SLC22A15: variants seen among roughly 807,000 people sequenced by gnomAD.
SLC22A15 encodes the protein flipt 1.
SLC22A15 carries 45 observed loss-of-function variants against 62.7 expected under a neutral mutation model. The observed-to-expected ratio is 0.72, with a 90% CI of 0.56 to 0.92. SLC22A15 has a LOEUF of 0.92. Among genes scored for constraint, SLC22A15 ranks in the 40% least tolerant of loss-of-function variants. The pLI is 0.00. For missense variants in SLC22A15, 622 were observed against 665.6 expected (o/e 0.93, Z 0.72); for synonymous variants, 264 against 267.0 (o/e 0.99, Z 0.11).
chr1:116,055,923 T>C (rs1204477366), intron 8 of SLC22A15, among the ~76,000 whole-genome samples: 1 of 148,268 alleles, frequency 6.7e-6, no homozygotes, highest in Non-Finnish European at 1.5e-5. Flanking sequence ...ATAAGAGCTA[T>C]CTATGACAAA....
intron 8 of SLC22A15, among the ~76,000 whole-genome samples, chr1:116,055,229 A>G (rs1162392353): frequency 6.6e-6 from 1 of 152,140 alleles, no homozygotes; most frequent in Admixed American, 6.6e-5. Flanking sequence ...GGATATCACC[A>G]CCTATCCCAC....
At chr1:116,034,720 T>C (rs1657568551) in intron 6 of SLC22A15, among the ~76,000 whole-genome samples, 1 of 152,192 alleles carries the variant, frequency 6.6e-6, no homozygotes. Context: ...CCACTGAAGA[T>C]CCAGTCACTT....
intron 1 of SLC22A15, among the ~76,000 whole-genome samples, chr1:115,986,357 T>C (rs1654864352): frequency 1.3e-5 from 2 of 152,194 alleles, no homozygotes; most frequent in African/African-American, 4.8e-5. Flanking sequence ...AGGGTTTCTT[T>C]CCTTCAGGAG....
At chr1:116,006,984 C>T (rs367662809) in intron 2 of SLC22A15, among the ~76,000 whole-genome samples, 1 of 152,092 alleles carries the variant, frequency 6.6e-6, no homozygotes, top group African/African-American at 2.4e-5. Flanking sequence ...TGTGTAGCCA[C>T]TGAGATGCGT....
At chr1:116,032,212 G>A in intron 6 of SLC22A15, 1 of 985,388 alleles carries the variant, frequency 1.0e-6, no homozygotes, top group Non-Finnish European at 1.2e-6. Context: ...CTTTCAAAAT[G>A]CTCTCAGCGT....
intron 2 of SLC22A15, among the ~76,000 whole-genome samples, chr1:116,008,760 G>T (rs1469807802): frequency 1.3e-5 from 2 of 152,322 alleles, no homozygotes; most frequent in Non-Finnish European, 1.5e-5. Flanking sequence ...TGGGCTCAGA[G>T]TAGCTGGGTG....
chr1:116,020,747 A>G lies in SLC22A15; in HGVS notation c.460A>G (p.Ile154Val). Residue 154 changes from isoleucine to valine, a missense_variant, in exon 4 of 12, where the codon ATT (isoleucine) becomes GTT (valine). By Grantham distance (29) the Ile-to-Val change is conservative. Transcript: ENST00000369503. ...TTTTGCTCTTGACATCTTATTTGCA[A>G]TTGCAAATGGATTTTCCCCCTCATA... ...TGFALDILFA[I>V]ANGFSPSYEF... 3 of 1,612,244 alleles carry G rather than the reference A, an allele frequency of 1.9e-6. No individual in the cohort carries two copies. Among genetic ancestry groups the G allele is most frequent in the Non-Finnish European group, 2.5e-6 (3 of 1,178,974 alleles).
At chr1:115,996,102 T>A (rs1049835936) in intron 2 of SLC22A15, among the ~76,000 whole-genome samples, 1 of 152,190 alleles carries the variant, frequency 6.6e-6, no homozygotes, top group Non-Finnish European at 1.5e-5. Flanking sequence ...CTTCTTATAC[T>A]ATGAGTCTTT....
chr1:115,986,624 G>C (rs1206198706), intron 1 of SLC22A15, among the ~76,000 whole-genome samples: 1 of 152,184 alleles, frequency 6.6e-6, no homozygotes, highest in Non-Finnish European at 1.5e-5. Context: ...GTGTGGAAGA[G>C]GGAATAACTT....
chr1:116,029,519 T>C (rs1321423196), intron 5 of SLC22A15, among the ~76,000 whole-genome samples: 1 of 152,210 alleles, frequency 6.6e-6, no homozygotes, highest in Non-Finnish European at 1.5e-5. Context: ...GTTGGAACTC[T>C]GTTTCCAAAT....
intron 2 of SLC22A15, among the ~76,000 whole-genome samples, chr1:115,998,689 G>C (rs1001422285): frequency 6.6e-6 from 1 of 151,132 alleles, no homozygotes; most frequent in Admixed American, 6.6e-5. Context: ...TTTTTTCTTA[G>C]TTTAGCTAAA....
In SLC22A15 at chr1:116,020,936, TTTATAGGGAC is replaced by T. The variant is rs1656801911; in HGVS notation, c.598+52_598+61del. ...GACTGGGTGAGCAGCTCCAGAAAATTTTATAGGGACCCAGTTTAATCCTAGAGTCTGGAAA... is the reference window on the plus strand; with the variant it reads ...GACTGGGTGAGCAGCTCCAGAAAATTCCAGTTTAATCCTAGAGTCTGGAAA... On this transcript the variant is annotated intron_variant, in intron 4 of 11. Transcript: ENST00000369503. 2.7e-6 allele frequency: 4 copies of T among 1,502,286 alleles called. No individual in the cohort carries two copies. The South Asian group carries it at 5.2e-5, about 20-fold the overall frequency. 93.1% of individuals were successfully genotyped at this position (1,502,286 alleles called of 1,614,324 possible).
rs562257943 is a variant in SLC22A15 at position 116,060,945 on chromosome 1, AAAG to A, written c.1172-1812_1172-1810del. 1.4e-3 allele frequency among the ~76,000 whole-genome samples: 215 copies of A among 152,324 alleles called. 1 individual carries two copies. Among genetic ancestry groups the A allele is most frequent in the African/African-American group, 2.7e-3 (114 of 41,574 alleles). The stretch of plus-strand genomic sequence containing the variant: ...CTACTCTGTTCAAGACACACTCTTT[AAAG>A]AAGATTTATTTTATAGTTAAGCAGG... On this transcript the variant is annotated intron_variant, in intron 8 of 11. Coordinates refer to ENST00000369503, the MANE Select transcript of SLC22A15 (RefSeq NM_018420.3).
intron 8 of SLC22A15, among the ~76,000 whole-genome samples, chr1:116,056,541 A>G (rs1451663491): frequency 1.3e-5 from 2 of 151,598 alleles, no homozygotes; most frequent in South Asian, 2.1e-4. Flanking sequence ...TCTTCACACA[A>G]TTGGAAAAAA....
chr1:115,999,992 A>G (rs1186733862), intron 2 of SLC22A15, among the ~76,000 whole-genome samples: 1 of 151,894 alleles, frequency 6.6e-6, no homozygotes, highest in Non-Finnish European at 1.5e-5. Flanking sequence ...GTCTATGTGT[A>G]TCTTTATAGG....
chr1:116,051,845 C>G (rs1658061485), intron 8 of SLC22A15, among the ~76,000 whole-genome samples: 1 of 152,134 alleles, frequency 6.6e-6, no homozygotes, highest in South Asian at 2.1e-4. Flanking sequence ...TGGGAGTTTT[C>G]TGGGATCAAA....
At chr1:116,013,791 C>T (rs1030884480) in intron 2 of SLC22A15, 3 of 152,178 alleles carry the variant, frequency 2.0e-5, no homozygotes, top group African/African-American at 7.2e-5. Flanking sequence ...TCTTCAAGCT[C>T]CACTCAGTCT....
intron 8 of SLC22A15, among the ~76,000 whole-genome samples, chr1:116,044,757 C>T (rs1470533650): frequency 1.3e-5 from 2 of 151,780 alleles, no homozygotes; most frequent in Non-Finnish European, 2.9e-5. Flanking sequence ...TGAAATAAAC[C>T]AATGCCATTT....
chr1:116,036,395 T>C (rs17035172), intron 7 of SLC22A15, among the ~76,000 whole-genome samples: 1 of 152,108 alleles, frequency 6.6e-6, no homozygotes, highest in Non-Finnish European at 1.5e-5. Flanking sequence ...CCATATTGAC[T>C]GTTAAATTAA....
Sources: allele counts gnomAD v4.1 joint callset (sites outside exome capture counted in the v4.1 genomes callset), GRCh38; gene constraint gnomAD v4.1.1; transcripts MANE v1.5; gene names NCBI Gene and HGNC (gene_info 2026-07-23, HGNC 2026-07-21).